MDGA2: variants seen among roughly 807,000 people sequenced by gnomAD.
The protein encoded by MDGA2 is MAM domain-containing glycosylphosphatidylinositol anchor protein 2.
A neutral mutation model predicts 117.8 loss-of-function variants in MDGA2; 40 were observed. That is an observed-to-expected ratio of 0.34 (90% CI 0.26 to 0.44). MDGA2 has a LOEUF of 0.44. MDGA2 is among the 20% of genes least tolerant of loss of function. The pLI is 1.00. For missense variants in MDGA2, 1,123 were observed against 1,250.6 expected, an observed-to-expected ratio of 0.90 and a Z score of 1.54; for synonymous variants, 452 against 439.0, an observed-to-expected ratio of 1.03 and a Z score of -0.37.
intron 2 of MDGA2, among the ~76,000 whole-genome samples, chr14:47,276,267 G>A (rs1888308746): frequency 6.6e-6 from 1 of 152,112 alleles, no homozygotes; most frequent in Non-Finnish European, 1.5e-5. Flanking sequence ...AACCTCCTTA[G>A]ATGAATGAGG....
intron 8 of MDGA2, among the ~76,000 whole-genome samples, chr14:46,981,178 G>GGA (rs386381280): frequency 1.3e-5 from 2 of 151,576 alleles, no homozygotes; most frequent in African/African-American, 2.4e-5. Context: ...CCAAGGGGGG[G>GGA]GCGGATCATG....
intron 1 of MDGA2, among the ~76,000 whole-genome samples, chr14:47,603,775 C>A (rs571346817): frequency 9.2e-5 from 14 of 152,246 alleles, no homozygotes; most frequent in South Asian, 4.1e-4. Context: ...GAGGCAGGGC[C>A]GGGTGAGGGG....
At chr14:47,504,995 T>C (rs972021558) in intron 1 of MDGA2, among the ~76,000 whole-genome samples, 1 of 152,194 alleles carries the variant, frequency 6.6e-6, no homozygotes, top group Non-Finnish European at 1.5e-5. Context: ...GTATACACAA[T>C]GGACTTACTA....
At chr14:47,502,653 GT>G (rs982793100) in intron 1 of MDGA2, among the ~76,000 whole-genome samples, 25 of 152,070 alleles carry the variant, frequency 1.6e-4, no homozygotes, top group Non-Finnish European at 2.6e-4. Context: ...TCCTTTGGGG[GT>G]TTTTTTGTTT....
In MDGA2 at chr14:46,873,304, G is replaced by C. The variant is rs878882425; in HGVS notation, c.2752+129C>G. 20 of 795,714 alleles carry C rather than the reference G, an allele frequency of 2.5e-5. No individual in the cohort carries two copies. The African/African-American group carries it at 3.2e-4, about 13-fold the overall frequency. The allele number at this position is 795,714 out of a possible 1,614,324, so 49.3% of individuals were successfully genotyped here. A position where few individuals can be genotyped will look rare whatever the true frequency, so the allele number is the denominator to read the frequency against. On this transcript the variant is annotated intron_variant, in intron 14 of 16. Coordinates refer to ENST00000399232, the MANE Select transcript of MDGA2 (RefSeq NM_001113498.3). ...TTACTATCTTATTTTGCAATTTGCA[G>C]ATAAATCATTTAAAAAGTGAATTAT...
chr14:46,879,189 A>T (rs1459752047), intron 11 of MDGA2, among the ~76,000 whole-genome samples: 3 of 152,030 alleles, frequency 2.0e-5, no homozygotes, highest in African/African-American at 7.2e-5. Context: ...TGGTGTCCTT[A>T]TAAGAGGAGG....
chr14:47,608,947 T>C (rs913228900), intron 1 of MDGA2, among the ~76,000 whole-genome samples: 1 of 152,144 alleles, frequency 6.6e-6, no homozygotes, highest in African/African-American at 2.4e-5. Context: ...AGTCAAGGTT[T>C]TTGACCTGAG....
chr14:47,667,877 C>G (rs1012384092), intron 1 of MDGA2, among the ~76,000 whole-genome samples: 1 of 152,176 alleles, frequency 6.6e-6, no homozygotes, highest in Non-Finnish European at 1.5e-5. Flanking sequence ...CCCCAAATTT[C>G]AGCCACACCA....
intron 8 of MDGA2, among the ~76,000 whole-genome samples, chr14:46,982,048 T>C (rs953920870): frequency 3.9e-5 from 6 of 152,216 alleles, no homozygotes; most frequent in Non-Finnish European, 8.8e-5. Flanking sequence ...CATACATTCA[T>C]AAGTATTTGA....
chr14:47,616,758 A>G (rs1165369919), intron 1 of MDGA2, among the ~76,000 whole-genome samples: 1 of 152,228 alleles, frequency 6.6e-6, no homozygotes, highest in East Asian at 1.9e-4. Flanking sequence ...TATTTGTATG[A>G]GCTCATATAT....
chr14:47,226,757 G>A lies in MDGA2; in HGVS notation c.421-8562C>T, dbSNP rs185034772. Among the ~76,000 whole-genome samples, 50 of 152,086 alleles carry A rather than the reference G, an allele frequency of 3.3e-4. No homozygotes were observed. The East Asian group carries it at 7.8e-3, about 24-fold the overall frequency. On this transcript the variant is annotated intron_variant, in intron 2 of 16. Transcript: ENST00000399232. ...CCCAAAACCACCATTATCAGAATTC[G>A]GTCTCTTTAAAAGTTTACAAAATGT...
chr14:47,298,933 G>C (rs1012596483), intron 2 of MDGA2, among the ~76,000 whole-genome samples: 2 of 151,870 alleles, frequency 1.3e-5, no homozygotes, highest in Non-Finnish European at 2.9e-5. Flanking sequence ...TGATCCGCCC[G>C]CCTTGGCCTC....
At chr14:47,306,842 GGAGAGAGA>G (rs10629208) in intron 1 of MDGA2, among the ~76,000 whole-genome samples, 73 of 146,706 alleles carry the variant, frequency 5.0e-4, no homozygotes, top group Admixed American at 1.4e-3. Flanking sequence ...AGAGAAAGAG[GGAGAGAGA>G]GAGAGAGAGA....
At chr14:47,650,234 T>A (rs1897613899) in intron 1 of MDGA2, among the ~76,000 whole-genome samples, 1 of 152,168 alleles carries the variant, frequency 6.6e-6, no homozygotes, top group Non-Finnish European at 1.5e-5. Context: ...CATGCCAGCC[T>A]TTAGGCTGGA....
At chr14:47,596,081 T>C (rs373976185) in intron 1 of MDGA2, among the ~76,000 whole-genome samples, 7 of 152,292 alleles carry the variant, frequency 4.6e-5, no homozygotes, top group African/African-American at 1.7e-4. Flanking sequence ...GCTAGATAAT[T>C]TGGGGACATA....
intron 1 of MDGA2, among the ~76,000 whole-genome samples, chr14:47,430,593 C>T (rs951668475): frequency 3.3e-5 from 5 of 151,954 alleles, no homozygotes; most frequent in African/African-American, 1.2e-4. Flanking sequence ...CATTATATTA[C>T]TTTATTGAAT....
chr14:46,975,423 A>C (rs970717697), intron 8 of MDGA2, among the ~76,000 whole-genome samples: 1 of 152,148 alleles, frequency 6.6e-6, no homozygotes, highest in Non-Finnish European at 1.5e-5. Context: ...CACAACACCT[A>C]AAAGATGGGA....
At chr14:47,395,737 C>A (rs1402886324) in intron 1 of MDGA2, among the ~76,000 whole-genome samples, 2 of 151,884 alleles carry the variant, frequency 1.3e-5, no homozygotes, top group Admixed American at 6.6e-5. Flanking sequence ...GTAGGTTTTT[C>A]TTAATAAAGT....
intron 1 of MDGA2, among the ~76,000 whole-genome samples, chr14:47,332,499 G>T (rs1890321450): frequency 1.3e-5 from 2 of 151,946 alleles, no homozygotes; most frequent in African/African-American, 4.8e-5. Flanking sequence ...CTATGCAGCT[G>T]AGAGGGAACT....
Sources: gnomAD v4.1 joint callset for allele counts (sites outside exome capture counted in the v4.1 genomes callset) on GRCh38, gnomAD v4.1.1 for gene constraint, MANE v1.5 for transcripts, NCBI Gene and HGNC (gene_info 2026-07-23, HGNC 2026-07-21) for gene names.